SCAND3: variants seen among roughly 807,000 people sequenced by gnomAD.
SCAND3 encodes SCAN domain-containing protein 3.
At chr6:28,597,984 A>G in the SCAND3 span, 2 of 152,178 alleles carry the variant, frequency 1.3e-5, no homozygotes, top group East Asian at 1.9e-4. Context: ...ATATGCAGCA[A>G]TGGGTCAAAA....
the SCAND3 span, chr6:28,573,784 T>C: frequency 6.4e-7 from 1 of 1,557,566 alleles, no homozygotes; most frequent in African/African-American, 1.4e-5. Context: ...AGAAAAGGCA[T>C]GTCTTTTCTT....
At chr6:28,581,767 C>G in the SCAND3 span, among the ~76,000 whole-genome samples, 16 of 152,220 alleles carry the variant, frequency 1.1e-4, no homozygotes, top group Non-Finnish European at 2.9e-5. Context: ...TTATTTCTCC[C>G]TGGCCAGAAT....
the SCAND3 span, among the ~76,000 whole-genome samples, chr6:28,614,297 G>A: frequency 1.3e-5 from 2 of 151,800 alleles, no homozygotes. Flanking sequence ...TATTTCTTAT[G>A]AATTTTAGCA....
the SCAND3 span, among the ~76,000 whole-genome samples, chr6:28,598,740 G>A: frequency 2.8e-4 from 40 of 142,914 alleles, 1 homozygote; most frequent in South Asian, 6.4e-3. Context: ...AGCTGAGTGC[G>A]GCGGCGCGCA....
chr6:28,607,195 A>G, the SCAND3 span, among the ~76,000 whole-genome samples: 4 of 152,158 alleles, frequency 2.6e-5, no homozygotes, highest in Non-Finnish European at 5.9e-5. Context: ...CTTAGCATGT[A>G]CGAGGTCCCG....
chr6:28,576,823 G>A, the SCAND3 span, among the ~76,000 whole-genome samples: 1 of 150,418 alleles, frequency 6.6e-6, no homozygotes, highest in Non-Finnish European at 1.5e-5. Context: ...TGTTAGCCAG[G>A]ATGGTCTCGA....
At chr6:28,576,144 C>A in the SCAND3 span, 10 of 1,541,422 alleles carry the variant, frequency 6.5e-6, no homozygotes, top group East Asian at 2.3e-5. Context: ...ACCCTAAAAA[C>A]AAAGGAAAAA....
the SCAND3 span, chr6:28,575,896 T>C: frequency 1.7e-5 from 28 of 1,614,034 alleles, no homozygotes; most frequent in Non-Finnish European, 2.4e-5. This position sits in a 1 kb window ranked among gnomAD's most constrained non-coding sequence, Gnocchi z 4.2. Context: ...CAAGCGACGG[T>C]AGTCAACTGA....
chr6:28,586,534 C>T, the SCAND3 span: 2 of 1,614,116 alleles, frequency 1.2e-6, no homozygotes, highest in African/African-American at 2.7e-5. This position sits in a 1 kb window ranked among gnomAD's most constrained non-coding sequence, Gnocchi z 4.4. Context: ...CCAGGTGTCT[C>T]CTGATAGCAG....
chr6:28,584,448 T>C, the SCAND3 span, among the ~76,000 whole-genome samples: 1 of 152,224 alleles, frequency 6.6e-6, no homozygotes, highest in Non-Finnish European at 1.5e-5. Context: ...GCTAGACCTG[T>C]AGTAGGCACC....
chr6:28,609,120 T>A, the SCAND3 span, among the ~76,000 whole-genome samples: 2 of 152,246 alleles, frequency 1.3e-5, no homozygotes, highest in Non-Finnish European at 2.9e-5. Context: ...ATATTCATTA[T>A]CTTCACTACT....
At chr6:28,574,860 ACTATTAACAC>A in the SCAND3 span, 1 of 1,614,052 alleles carries the variant, frequency 6.2e-7, no homozygotes, top group South Asian at 1.1e-5. Context: ...ATGATATACA[ACTATTAACAC>A]CTGTGCATTC....
At chr6:28,575,907 T>A in the SCAND3 span, 6 of 1,614,048 alleles carry the variant, frequency 3.7e-6, no homozygotes, top group African/African-American at 1.3e-5. The surrounding 1 kb of genome is among the most constrained non-coding windows in gnomAD (Gnocchi z 4.2). Context: ...AGTCAACTGA[T>A]TCCTTTTTCG....
chr6:28,594,426 G>C, the SCAND3 span, among the ~76,000 whole-genome samples: 13 of 152,208 alleles, frequency 8.5e-5, no homozygotes, highest in Non-Finnish European at 4.4e-5. Flanking sequence ...AGGCCGAGGC[G>C]GGTGGATCAC....
the SCAND3 span, among the ~76,000 whole-genome samples, chr6:28,577,040 C>A: frequency 6.6e-6 from 1 of 152,032 alleles, no homozygotes; most frequent in African/African-American, 2.4e-5. Context: ...TAAGTTCCAA[C>A]CTAATATATT....
the SCAND3 span, chr6:28,573,877 A>G: frequency 1.3e-6 from 2 of 1,485,008 alleles, no homozygotes; most frequent in Non-Finnish European, 1.8e-6. Context: ...TTCCTCCTTC[A>G]GCTAACAGTG....
the SCAND3 span, among the ~76,000 whole-genome samples, chr6:28,578,971 C>T: frequency 2.6e-5 from 4 of 152,126 alleles, no homozygotes; most frequent in Non-Finnish European, 5.9e-5. Context: ...CAATGGGACC[C>T]ATGACTACAC....
the SCAND3 span, among the ~76,000 whole-genome samples, chr6:28,601,107 G>A: frequency 6.6e-6 from 1 of 151,960 alleles, no homozygotes; most frequent in Non-Finnish European, 1.5e-5. Flanking sequence ...GGGTTTCACC[G>A]TGTTAGCCAG....
At chr6:28,579,812 C>T in the SCAND3 span, among the ~76,000 whole-genome samples, 10 of 150,168 alleles carry the variant, frequency 6.7e-5, no homozygotes, top group African/African-American at 1.2e-4. This position sits in a 1 kb window ranked among gnomAD's most constrained non-coding sequence, Gnocchi z 4.5. Flanking sequence ...TTTGGGAGGT[C>T]GAGGCAGGTG....
Sources: allele counts gnomAD v4.1 joint callset (sites outside exome capture counted in the v4.1 genomes callset), GRCh38; gene constraint gnomAD v4.1.1; non-coding constraint Gnocchi (gnomAD v3.1); transcripts MANE v1.5; gene names NCBI Gene and HGNC (gene_info 2026-07-23, HGNC 2026-07-21).